LRRC57: variants seen among roughly 807,000 people sequenced by gnomAD.
LRRC57 encodes leucine rich repeat containing 57.
A neutral mutation model predicts 23.1 loss-of-function variants in LRRC57; 14 were observed. That is an observed-to-expected ratio of 0.61 (90% CI 0.40 to 0.95). LRRC57 has a LOEUF of 0.95. LRRC57 is among the 40% of genes least tolerant of loss of function. The probability of loss-of-function intolerance (pLI) is 0.00; values close to 1 mark genes in which losing one functional copy is unlikely to be tolerated. For synonymous variants in LRRC57, 106 were observed against 115.2 expected (o/e 0.92, Z 0.51); for missense variants, 236 against 284.4 (o/e 0.83, Z 1.22).
the LRRC57 span, chr15:42,529,880 C>A: frequency 1.3e-6 from 2 of 1,560,872 alleles, no homozygotes; most frequent in African/African-American, 1.4e-5. Context: ...CAGTAATAGA[C>A]ATCTGTGCTA....
downstream of LRRC57, among the ~76,000 whole-genome samples, chr15:42,536,013 G>C (rs958464499): frequency 1.3e-5 from 2 of 152,158 alleles, no homozygotes; most frequent in African/African-American, 4.8e-5. Flanking sequence ...AGGCGGTTGA[G>C]GCTGCAGCGA....
At chr15:42,544,944 A>G (rs185145022) in intron 5 of LRRC57, 133 bp downstream of exon 5, 1 of 634,770 alleles carries the variant, frequency 1.6e-6, no homozygotes, top group Non-Finnish European at 2.6e-6. Context: ...CATTCAGCCA[A>G]TGCTTTGAAT....
chr15:42,540,509 A>T lies in LRRC57; in HGVS notation c.*3574T>A, dbSNP rs998305159. Reference sequence around the variant, plus strand: ...ACTTGGTATCCATGGAGGTATTGAAACCAATCCTCCATGGACACTGAGGGA... The same window carrying T: ...ACTTGGTATCCATGGAGGTATTGAATCCAATCCTCCATGGACACTGAGGGA... On this transcript the variant is annotated 3_prime_UTR_variant, in exon 6 of 6. Coordinates refer to ENST00000397130, the MANE Select transcript of LRRC57 (RefSeq NM_153260.3). 6.6e-6 allele frequency: 1 copy of T among 152,070 alleles called. No individual in the cohort carries two copies. The highest frequency in any genetic ancestry group is 2.4e-5 in the African/African-American group (1 of 41,398). The allele number at this position is 152,070 out of a possible 1,614,324, so 9.4% of individuals were successfully genotyped here.
chr15:42,531,432 G>A, the LRRC57 span: 46 of 1,591,062 alleles, frequency 2.9e-5, no homozygotes, highest in Admixed American at 1.6e-4. Flanking sequence ...AACAGAGATC[G>A]TATTGATATT....
chr15:42,547,505 T>C lies in LRRC57; in HGVS notation c.248A>G (p.Asn83Ser), dbSNP rs1595540407. The C allele has an allele frequency of 2.5e-6, 4 of 1,612,156 alleles. No homozygotes were observed. The highest frequency in any genetic ancestry group is 1.3e-5 in the African/African-American group (1 of 74,862). Residue 83 changes from asparagine (N) to serine (S), a missense_variant, in exon 4 of 6, where the codon AAT becomes AGT. Coordinates refer to ENST00000397130, the MANE Select transcript of LRRC57 (RefSeq NM_153260.3). Reference sequence around the variant, plus strand: ...GCTTAGCGTCTCTAGTTTTTTCAGATTGCATATCTCATCAGGCAGAACAGC... The same window carrying C: ...GCTTAGCGTCTCTAGTTTTTTCAGACTGCATATCTCATCAGGCAGAACAGC... ...KLTVLPDEIC[N>S]LKKLETLSLN... is the part of the protein sequence containing the mutation.
At chr15:42,535,448 T>C (rs572813171), downstream of LRRC57, among the ~76,000 whole-genome samples, 14 of 127,556 alleles carry the variant, frequency 1.1e-4, no homozygotes, top group East Asian at 2.4e-3. Context: ...TGTCTTGGCA[T>C]TTTTTTTTTT....
At position 42,538,173 on chromosome 15, in the gene LRRC57, T is replaced by TATA. The variant is rs1414122165; in HGVS notation, c.*5907_*5909dup. The stretch of plus-strand genomic sequence containing the variant: ...CAAGTACCCCATAAATATGAACAAA[T>TATA]ATATATCAGAAAAATAGTAAAGTGA... On this transcript the variant is annotated 3_prime_UTR_variant, in exon 6 of 6. Coordinates refer to ENST00000397130, the MANE Select transcript of LRRC57 (RefSeq NM_153260.3). 2 of 152,070 alleles carry TATA rather than the reference T, an allele frequency of 1.3e-5. No individual in the cohort carries two copies. Among genetic ancestry groups the TATA allele is most frequent in the Non-Finnish European group, 2.9e-5 (2 of 67,996 alleles). The allele number at this position is 152,070 out of a possible 1,614,324, so 9.4% of individuals were successfully genotyped here.
chr15:42,535,822 G>C (rs1000642359), downstream of LRRC57, among the ~76,000 whole-genome samples: 2 of 152,180 alleles, frequency 1.3e-5, no homozygotes, highest in Admixed American at 1.3e-4. Flanking sequence ...AAAGTGATAA[G>C]GAATGGCTAG....
Position 42,544,068 on chromosome 15 carries a change from T to C in LRRC57, c.*15A>G, listed in dbSNP as rs1004211759. On this transcript the variant is annotated 3_prime_UTR_variant, in exon 6 of 6. Transcript: ENST00000397130. ...AAGTCAGTATCCTGTAAGGTTTCCA[T>C]AGTCCTGGAGAACTTCACGCAAACT... is the stretch of plus-strand genomic sequence containing the variant. The C allele has an allele frequency of 1.9e-6, 3 of 1,611,258 alleles. No homozygotes were observed. The highest frequency in any genetic ancestry group is 1.3e-5 in the African/African-American group (1 of 74,896).
the LRRC57 span, chr15:42,531,498 T>C: frequency 1.6e-5 from 26 of 1,581,536 alleles, no homozygotes; most frequent in African/African-American, 2.3e-4. Flanking sequence ...TGTTCTTCTT[T>C]ATCATTTATT....
downstream of LRRC57, among the ~76,000 whole-genome samples, chr15:42,537,062 A>G (rs1027392622): frequency 5.9e-5 from 9 of 152,104 alleles, no homozygotes; most frequent in Non-Finnish European, 1.0e-4. Flanking sequence ...TTAAACATCT[A>G]TGGCCCAGAC....
chr15:42,528,429 A>T, the LRRC57 span: 3 of 1,613,570 alleles, frequency 1.9e-6, no homozygotes, highest in Non-Finnish European at 1.7e-6. Context: ...CGGTATGCCA[A>T]CTCCTCCTGA....
chr15:42,530,669 G>A, the LRRC57 span, among the ~76,000 whole-genome samples: 1 of 152,174 alleles, frequency 6.6e-6, no homozygotes, highest in Non-Finnish European at 1.5e-5. Flanking sequence ...AGGATTGCTT[G>A]AGTGTAGGAG....
At chr15:42,535,447 ATT>A (rs1163369824), downstream of LRRC57, among the ~76,000 whole-genome samples, 10 of 140,736 alleles carry the variant, frequency 7.1e-5, no homozygotes, top group Middle Eastern at 3.7e-3. Context: ...CTGTCTTGGC[ATT>A]TTTTTTTTTT....
In LRRC57 at chr15:42,548,684, C is replaced by G; in HGVS notation, c.-23+9G>C. ...GAGCCTACGGAAGATCAGGGAGCCC[C>G]GGACTCGCCTCCCACCGCTCAGCTG... On this transcript the variant is annotated intron_variant, in intron 1 of 5. Coordinates refer to ENST00000397130, the MANE Select transcript of LRRC57 (RefSeq NM_153260.3). 4.8e-6 allele frequency: 3 copies of G among 621,918 alleles called. No homozygotes were observed. Among genetic ancestry groups the G allele is most frequent in the Non-Finnish European group, 5.6e-6 (2 of 357,198 alleles). The allele number at this position is 621,918 out of a possible 1,614,324, so 38.5% of individuals were successfully genotyped here. A position where few individuals can be genotyped will look rare whatever the true frequency, so the allele number is the denominator to read the frequency against.
chr15:42,539,684 C>A lies in LRRC57; in HGVS notation c.*4399G>T, dbSNP rs2057618381. ...CAGATTCAAATCTGGGTCTTTAGAC[C>A]ACAAGCTAGTTTACTTGATTAGCTC... is the stretch of plus-strand genomic sequence containing the variant. On this transcript the variant is annotated 3_prime_UTR_variant, in exon 6 of 6. Coordinates refer to ENST00000397130, the MANE Select transcript of LRRC57 (RefSeq NM_153260.3). 1 of 151,926 alleles carries A rather than the reference C, an allele frequency of 6.6e-6. No homozygotes were observed. Among genetic ancestry groups the A allele is most frequent in the African/African-American group, 2.4e-5 (1 of 41,352 alleles). The allele number at this position is 151,926 out of a possible 1,614,324, so 9.4% of individuals were successfully genotyped here. A position where few individuals can be genotyped will look rare whatever the true frequency, so the allele number is the denominator to read the frequency against.
rs2057610529 is a variant in LRRC57, at chr15:42,538,202, A to C, written c.*5881T>G. The C allele has an allele frequency of 6.6e-6, 1 of 152,204 alleles. No individual in the cohort carries two copies. The highest frequency in any genetic ancestry group is 2.1e-4 in the South Asian group (1 of 4,828). The allele number at this position is 152,204 out of a possible 1,614,324, so 9.4% of individuals were successfully genotyped here. On this transcript the variant is annotated 3_prime_UTR_variant, in exon 6 of 6. Transcript: ENST00000397130. ...TATCAGAAAAATAGTAAAGTGAAAA[A>C]GGAAAACAAAGTAGCTTATCTAAGT...
chr15:42,544,836 C>CAT (rs1555382337), intron 5 of LRRC57, among the ~76,000 whole-genome samples: 2 of 103,680 alleles, frequency 1.9e-5, no homozygotes, highest in East Asian at 3.9e-4. Context: ...CACACACACA[C>CAT]ACACACTATA....
Position 42,548,305 on chromosome 15 carries a change from G to A in LRRC57, c.84+46C>T, listed in dbSNP as rs200544594. 9.9e-6 allele frequency: 16 copies of A among 1,613,744 alleles called. No individual in the cohort carries two copies. The Admixed American group carries it at 1.5e-4, about 15-fold the overall frequency. On this transcript the variant is annotated intron_variant, in intron 2 of 5. Coordinates refer to ENST00000397130, the MANE Select transcript of LRRC57 (RefSeq NM_153260.3). ...ACCGACTAAGTTCGCCGCCCCCGCC[G>A]TCCCTCTCCCTTTAAGTTCCCTGGT...
Sources: gnomAD v4.1 joint callset for allele counts (sites outside exome capture counted in the v4.1 genomes callset) on GRCh38, gnomAD v4.1.1 for gene constraint, MANE v1.5 for transcripts, NCBI Gene and HGNC (gene_info 2026-07-23, HGNC 2026-07-21) for gene names.